ANGPT4: variants seen among roughly 807,000 people sequenced by gnomAD.
ANGPT4 encodes the protein angiopoietin-4.
Under a neutral mutation model 53.0 loss-of-function variants are expected in ANGPT4, and 50 were observed. That is an observed-to-expected ratio of 0.94 (90% CI 0.75 to 1.20). ANGPT4 has a LOEUF of 1.20. ANGPT4 is among the 50% of genes most tolerant of loss of function. ANGPT4 has a pLI of 0.00. For missense variants in ANGPT4, 648 were observed against 637.1 expected, an observed-to-expected ratio of 1.02 and a Z score of -0.18; for synonymous variants, 251 against 259.7, an observed-to-expected ratio of 0.97 and a Z score of 0.32.
intron 1 of ANGPT4, among the ~76,000 whole-genome samples, chr20:900,326 A>G (rs572628152): frequency 6.6e-6 from 1 of 152,278 alleles, no homozygotes; most frequent in South Asian, 2.1e-4. Context: ...CTAGGAAGTT[A>G]CCCCATCAGT....
Position 914,670 on chromosome 20 carries a change from C to T in ANGPT4, c.309+1236G>A, listed in dbSNP as rs370342593. ...GAATTAGTTCGCATCCTTCATTCCT[C>T]AGTCATCGCCCAGACTGTCTCCTGG... is the stretch of plus-strand genomic sequence containing the variant. On this transcript the variant is annotated intron_variant, in intron 1 of 8. Transcript: ENST00000381922. This position sits in a 1 kb window ranked among gnomAD's most constrained non-coding sequence, Gnocchi z 5.0. 8.5e-5 allele frequency among the ~76,000 whole-genome samples: 13 copies of T among 152,186 alleles called. No homozygotes were observed. The East Asian group carries it at 1.7e-3, about 20-fold the overall frequency.
At chr20:912,130 T>TA (rs2122139246) in intron 1 of ANGPT4, among the ~76,000 whole-genome samples, 1 of 152,146 alleles carries the variant, frequency 6.6e-6, no homozygotes, top group Admixed American at 6.5e-5. Flanking sequence ...TCCTCATCTG[T>TA]ATAATGGATC....
chr20:913,419 G>A (rs955087192), intron 1 of ANGPT4, among the ~76,000 whole-genome samples: 3 of 152,090 alleles, frequency 2.0e-5, no homozygotes, highest in African/African-American at 7.2e-5. Flanking sequence ...ATTTGGTAAG[G>A]AAGTACCTGC....
intron 1 of ANGPT4, 74 bp downstream of exon 1, chr20:915,831 TG>T (rs1209671348): frequency 6.7e-7 from 1 of 1,491,346 alleles, no homozygotes; most frequent in Non-Finnish European, 9.0e-7. Flanking sequence ...GCCTCTTGGA[TG>T]GACACTCCAC....
chr20:885,413 A>T (rs1204799647), intron 3 of ANGPT4, 88 bp from the exon 4 acceptor site: 1 of 1,430,968 alleles, frequency 7.0e-7, no homozygotes, highest in African/African-American at 1.4e-5. Flanking sequence ...GAGTCCCTGC[A>T]GCCCGACGAT....
intron 1 of ANGPT4, among the ~76,000 whole-genome samples, chr20:903,426 T>C (rs1008458537): frequency 6.6e-6 from 1 of 152,090 alleles, no homozygotes; most frequent in Admixed American, 6.5e-5. Flanking sequence ...CAGCCCCCAT[T>C]GTCTCTAGCA....
At position 872,905 on chromosome 20, in the gene ANGPT4, G is replaced by A; in HGVS notation, c.*55C>T. 6.2e-7 allele frequency: 1 copy of A among 1,603,942 alleles called. No homozygotes were observed. Among genetic ancestry groups the A allele is most frequent in the Non-Finnish European group, 8.5e-7 (1 of 1,174,262 alleles). ...CTTGCATCTGGGTCCAGGTTGTCCAGGAGTGCCAAGTCCGAGCTTCTCCTG... is the reference window on the plus strand; with the variant it reads ...CTTGCATCTGGGTCCAGGTTGTCCAAGAGTGCCAAGTCCGAGCTTCTCCTG... On this transcript the variant is annotated 3_prime_UTR_variant, in exon 9 of 9. Coordinates refer to ENST00000381922, the MANE Select transcript of ANGPT4 (RefSeq NM_015985.4).
intron 1 of ANGPT4, among the ~76,000 whole-genome samples, chr20:915,573 C>T (rs1193866575): frequency 1.3e-5 from 2 of 152,156 alleles, no homozygotes; most frequent in Non-Finnish European, 2.9e-5. Flanking sequence ...AGTAGATTAT[C>T]TCTTACTGCC....
chr20:881,007 C>G (rs1301392969), intron 5 of ANGPT4, among the ~76,000 whole-genome samples, 164 bp downstream of exon 5: 1 of 152,180 alleles, frequency 6.6e-6, no homozygotes, highest in Non-Finnish European at 1.5e-5. Flanking sequence ...TCTGCTTATC[C>G]CCACAATCTG....
At chr20:901,071 C>G (rs1435760115) in intron 1 of ANGPT4, among the ~76,000 whole-genome samples, 1 of 152,190 alleles carries the variant, frequency 6.6e-6, no homozygotes, top group Admixed American at 6.5e-5. Context: ...TGCTCCTAAT[C>G]CTGCTCGAAG....
intron 1 of ANGPT4, among the ~76,000 whole-genome samples, chr20:894,982 C>T (rs1051946080): frequency 1.3e-5 from 2 of 152,176 alleles, no homozygotes; most frequent in Non-Finnish European, 2.9e-5. Flanking sequence ...GATCCCATCA[C>T]CCAGTTTGCC....
intron 1 of ANGPT4, among the ~76,000 whole-genome samples, chr20:899,437 T>C (rs1982192897): frequency 6.6e-6 from 1 of 151,938 alleles, no homozygotes; most frequent in Non-Finnish European, 1.5e-5. Flanking sequence ...TTTTTTTTAG[T>C]AGAGACGGGG....
intron 1 of ANGPT4, 38 bp from the exon 2 acceptor site, chr20:890,406 C>CGGGGGACAGGGGGGTGGGGG: frequency 2.4e-6 from 2 of 840,984 alleles, no homozygotes; most frequent in African/African-American, 1.7e-5. Flanking sequence ...GGGGGAGGGG[C>CGGGGGACAGGGGGGTGGGGG]GGGGGAAGCC....
intron 2 of ANGPT4, 71 bp from the exon 3 acceptor site, chr20:888,510 G>A: frequency 2.0e-6 from 3 of 1,534,460 alleles, no homozygotes; most frequent in Non-Finnish European, 2.6e-6. Flanking sequence ...CCACCCACCT[G>A]CCCACAGGCC....
intron 5 of ANGPT4, among the ~76,000 whole-genome samples, chr20:880,089 C>T (rs1397436123): frequency 1.3e-5 from 2 of 152,222 alleles, no homozygotes; most frequent in African/African-American, 4.8e-5. Context: ...GAGATTCATA[C>T]CTTAACCTCT....
rs371673089 is a variant in ANGPT4, at chr20:884,728, A to G, written c.835+350T>C. 1.1e-4 allele frequency among the ~76,000 whole-genome samples: 16 copies of G among 152,264 alleles called. No homozygotes were observed. The East Asian group carries it at 2.7e-3, about 26-fold the overall frequency. On this transcript the variant is annotated intron_variant, in intron 4 of 8. Transcript: ENST00000381922. ...GGAAAACTGAGGCCCAGGGAGGGGT[A>G]GGACAAGCCCAAGAAAGTGGGGCTG...
rs537434111 is a variant in ANGPT4, at chr20:870,645, G to C, written c.*2315C>G. ...TTGGGCCTTCAACCCACCCAGAGGA[G>C]TTCTGTCCCTGGGCCTCACAGCTTT... On this transcript the variant is annotated 3_prime_UTR_variant, in exon 9 of 9. Coordinates refer to ENST00000381922, the MANE Select transcript of ANGPT4 (RefSeq NM_015985.4). 1 of 152,380 alleles carries C rather than the reference G, an allele frequency of 6.6e-6. No homozygotes were observed. The highest frequency in any genetic ancestry group is 2.1e-4 in the South Asian group (1 of 4,832). 9.4% of individuals were successfully genotyped at this position (152,380 alleles called of 1,614,324 possible).
intron 1 of ANGPT4, among the ~76,000 whole-genome samples, chr20:915,297 T>C (rs900586312): frequency 2.6e-5 from 4 of 151,320 alleles, no homozygotes; most frequent in Non-Finnish European, 5.9e-5. Context: ...CCCTCTCCTC[T>C]GCTCCAGCTA....
chr20:885,646 T>C (rs189500552), intron 3 of ANGPT4, among the ~76,000 whole-genome samples: 20 of 152,248 alleles, frequency 1.3e-4, no homozygotes, highest in Non-Finnish European at 2.5e-4. Context: ...GGGAGCATGG[T>C]CAAGAATGGC....
Sources: allele counts gnomAD v4.1 joint callset (sites outside exome capture counted in the v4.1 genomes callset), GRCh38; gene constraint gnomAD v4.1.1; non-coding constraint Gnocchi (gnomAD v3.1); transcripts MANE v1.5; gene names NCBI Gene and HGNC (gene_info 2026-07-23, HGNC 2026-07-21).